NAALADL2: variants seen among roughly 807,000 people sequenced by gnomAD.
NAALADL2 encodes inactive N-acetylated-alpha-linked acidic dipeptidase-like protein 2.
A neutral mutation model predicts 87.2 loss-of-function variants in NAALADL2; 76 were observed. The observed-to-expected ratio is 0.87, with a 90% confidence interval of 0.72 to 1.05. The LOEUF (loss-of-function observed/expected upper bound fraction) is 1.05. Among genes scored for constraint, NAALADL2 ranks in the 50% least tolerant of loss-of-function variants. The probability of loss-of-function intolerance (pLI) is 0.00; values close to 1 mark genes in which losing one functional copy is unlikely to be tolerated. For missense variants in NAALADL2, 1,089 were observed against 945.8 expected (o/e 1.15, Z -1.99); for synonymous variants, 354 against 331.0 (o/e 1.07, Z -0.75).
chr3:174,574,087 T>C (rs1189446512), intron 2 of NAALADL2, among the ~76,000 whole-genome samples: 1 of 152,224 alleles, frequency 6.6e-6, no homozygotes, highest in Admixed American at 6.5e-5. Context: ...TTTTAAATTT[T>C]GAATAGTTTT....
chr3:175,424,832 A>G (rs1406654083), intron 5 of NAALADL2, among the ~76,000 whole-genome samples: 5 of 152,170 alleles, frequency 3.3e-5, no homozygotes, highest in Admixed American at 2.6e-4. Flanking sequence ...CCACATAAAT[A>G]TCTGGGTGGC....
At chr3:175,262,575 A>AGAGT (rs1553841751) in intron 4 of NAALADL2, among the ~76,000 whole-genome samples, 1 of 147,012 alleles carries the variant, frequency 6.8e-6, no homozygotes, top group Non-Finnish European at 1.5e-5. Flanking sequence ...ATGTTGTGTG[A>AGAGT]GTGTGTGTGT....
intron 1 of NAALADL2, among the ~76,000 whole-genome samples, chr3:174,506,541 A>G (rs940912493): frequency 5.3e-5 from 8 of 152,144 alleles, no homozygotes; most frequent in African/African-American, 1.9e-4. Context: ...TGATATTGAT[A>G]AACATTTAGA....
chr3:175,320,599 T>C (rs1187054778), intron 4 of NAALADL2, among the ~76,000 whole-genome samples: 1 of 152,178 alleles, frequency 6.6e-6, no homozygotes, highest in African/African-American at 2.4e-5. Context: ...TAATGACTGG[T>C]GTGACAGGCT....
chr3:174,532,903 T>C (rs1721371292), intron 1 of NAALADL2, among the ~76,000 whole-genome samples: 1 of 151,956 alleles, frequency 6.6e-6, no homozygotes. Context: ...GATCAATCTT[T>C]TATTCTTTAA....
At chr3:174,826,644 T>C (rs1722032151) in intron 3 of NAALADL2, among the ~76,000 whole-genome samples, 2 of 152,248 alleles carry the variant, frequency 1.3e-5, no homozygotes, top group Non-Finnish European at 2.9e-5. Context: ...CTTTTTTCAA[T>C]ATCAGTTTTC....
intron 2 of NAALADL2, among the ~76,000 whole-genome samples, chr3:175,226,631 C>A (rs1274784404): frequency 6.6e-6 from 1 of 151,974 alleles, no homozygotes; most frequent in African/African-American, 2.4e-5. Flanking sequence ...GTAGTTATAT[C>A]AAGAGTTTTT....
chr3:175,658,204 G>A (rs924355119), intron 11 of NAALADL2, among the ~76,000 whole-genome samples: 7 of 152,048 alleles, frequency 4.6e-5, no homozygotes, highest in Non-Finnish European at 8.8e-5. Context: ...TTTCACGTAT[G>A]CATTTCACAC....
At chr3:174,719,377 A>G (rs576351642) in intron 2 of NAALADL2, among the ~76,000 whole-genome samples, 1 of 152,204 alleles carries the variant, frequency 6.6e-6, no homozygotes, top group Non-Finnish European at 1.5e-5. Flanking sequence ...TCTTCAAGCC[A>G]TAAGTTTATT....
intron 4 of NAALADL2, among the ~76,000 whole-genome samples, chr3:175,266,739 C>G (rs1247165118): frequency 6.6e-6 from 1 of 151,696 alleles, no homozygotes; most frequent in African/African-American, 2.4e-5. Context: ...CTTATAGTTC[C>G]AACAAGCCAT....
At chr3:174,736,362 G>A (rs1733198810) in intron 2 of NAALADL2, among the ~76,000 whole-genome samples, 2 of 152,154 alleles carry the variant, frequency 1.3e-5, no homozygotes, top group African/African-American at 4.8e-5. Context: ...TGGAGGGTGA[G>A]CAAGGTGAAG....
At chr3:175,084,341 G>A (rs919005969) in intron 1 of NAALADL2, among the ~76,000 whole-genome samples, 2 of 152,200 alleles carry the variant, frequency 1.3e-5, no homozygotes, top group East Asian at 3.9e-4. Flanking sequence ...TCAGCTGCCG[G>A]CAAGTTGGGT....
chr3:175,255,969 C>T (rs1249389189), intron 3 of NAALADL2, among the ~76,000 whole-genome samples: 1 of 152,184 alleles, frequency 6.6e-6, no homozygotes, highest in African/African-American at 2.4e-5. Context: ...GATGACCATG[C>T]AAGTGAGGAC....
chr3:175,709,189 T>G (rs1031065172), intron 11 of NAALADL2, among the ~76,000 whole-genome samples: 2 of 152,110 alleles, frequency 1.3e-5, no homozygotes, highest in Admixed American at 6.6e-5. Flanking sequence ...CTCAGAATTA[T>G]ATTGCACTCA....
intron 11 of NAALADL2, among the ~76,000 whole-genome samples, chr3:175,691,688 T>C (rs924626063): frequency 5.3e-5 from 8 of 152,086 alleles, no homozygotes; most frequent in African/African-American, 1.9e-4. Context: ...GATTTTGGTG[T>C]GAATGGCTTT....
chr3:175,336,299 T>C (rs1271344375), intron 5 of NAALADL2, among the ~76,000 whole-genome samples: 1 of 152,180 alleles, frequency 6.6e-6, no homozygotes, highest in East Asian at 1.9e-4. Flanking sequence ...TGTTTTCAAG[T>C]CTCTAAAAGC....
At chr3:175,217,626 T>A (rs1242817186) in intron 2 of NAALADL2, among the ~76,000 whole-genome samples, 1 of 152,204 alleles carries the variant, frequency 6.6e-6, no homozygotes, top group Non-Finnish European at 1.5e-5. Flanking sequence ...TTCAATATAA[T>A]TATGTAACAT....
At chr3:175,690,556 A>G (rs1328766494) in intron 11 of NAALADL2, among the ~76,000 whole-genome samples, 1 of 152,104 alleles carries the variant, frequency 6.6e-6, no homozygotes, top group African/African-American at 2.4e-5. Flanking sequence ...ACAGGATTCA[A>G]TATTCCTGAG....
chr3:174,525,103 A>G (rs963595092), intron 1 of NAALADL2, among the ~76,000 whole-genome samples: 2 of 152,202 alleles, frequency 1.3e-5, no homozygotes, highest in Non-Finnish European at 2.9e-5. Context: ...TTGTTTGCAC[A>G]AAGACAAAAT....
Sources: gnomAD v4.1 joint callset for allele counts (sites outside exome capture counted in the v4.1 genomes callset) on GRCh38, gnomAD v4.1.1 for gene constraint, MANE v1.5 for transcripts, NCBI Gene and HGNC (gene_info 2026-07-23, HGNC 2026-07-21) for gene names.